The following CRYBG1 variants were observed in gnomAD, a reference collection of about 807,000 sequenced individuals.
The protein encoded by CRYBG1 is crystallin beta-gamma domain containing 1.
CRYBG1 carries 139 observed loss-of-function variants against 189.2 expected under a neutral mutation model. The observed-to-expected ratio is 0.73, with a 90% confidence interval of 0.64 to 0.85. The LOEUF (loss-of-function observed/expected upper bound fraction) is 0.85. Among genes scored for constraint, CRYBG1 ranks in the 40% least tolerant of loss-of-function variants. The probability of loss-of-function intolerance (pLI) is 0.00; values close to 1 mark genes in which losing one functional copy is unlikely to be tolerated. For missense variants in CRYBG1, 2,611 were observed against 2,675.8 expected (o/e 0.98, Z 0.53); for synonymous variants, 1,023 against 1,017.1 (o/e 1.01, Z -0.11).
chr6:106,495,844 TC>T (rs1772838759), intron 2 of CRYBG1, among the ~76,000 whole-genome samples: 1 of 149,906 alleles, frequency 6.7e-6, no homozygotes, highest in African/African-American at 2.4e-5. Flanking sequence ...AAAACAACTT[TC>T]CCCCCTGCCC....
rs1037153122 is a variant in CRYBG1, at chr6:106,547,601, A to G, written c.5312+2668A>G. On this transcript the variant is annotated intron_variant, in intron 13 of 21. Coordinates refer to ENST00000633556, the MANE Select transcript of CRYBG1 (RefSeq NM_001371242.2). ...TTCAAAGGAAAATTATTGTATTTTA[A>G]TGGCTTTATTTTTATTGGCAATTAA... 2.0e-5 allele frequency among the ~76,000 whole-genome samples: 3 copies of G among 152,196 alleles called. No homozygotes were observed. The South Asian group carries it at 6.2e-4, about 31-fold the overall frequency.
At chr6:106,422,340 A>ATTTTTTTTTTTTTTT in intron 1 of CRYBG1, among the ~76,000 whole-genome samples, 1 of 68,340 alleles carries the variant, frequency 1.5e-5, no homozygotes, top group South Asian at 9.5e-4. Flanking sequence ...TTATTTATTT[A>ATTTTTTTTTTTTTTT]TTTATTTTTG....
chr6:106,519,376 C>A lies in CRYBG1; in HGVS notation c.2168C>A (p.Ala723Asp), dbSNP rs148636801. Residue 723 changes from alanine (A) to aspartate (D), a missense_variant, in exon 4 of 22, where the codon GCC becomes GAC. Around this residue, in one of 3 missense-constraint regions of CRYBG1, gnomAD observed 1,622 missense variants for 1,735.0 expected, o/e 0.93. Transcript: ENST00000633556. ...GRAKLNLAKK[A>D]KEMEQPEKKV... ...GCAAAGCTGAATTTAGCCAAAAAAG[C>A]CAAAGAAATGGAGCAACCTGAAAAG... is the stretch of plus-strand genomic sequence containing the variant. The A allele has an allele frequency of 1.3e-4, 210 of 1,614,036 alleles. 2 individuals are homozygous for A. In the East Asian group the frequency reaches 4.2e-3, roughly 32 times the overall value.
Position 106,543,544 on chromosome 6 carries a change from A to C in CRYBG1, c.4986A>C (p.Gly1662=). Residue 1662 remains glycine (G), a synonymous_variant, in exon 11 of 22, where the codon GGA becomes GGC. Transcript: ENST00000633556. The part of the protein sequence containing the change: ...MEGGETEEAT[G]DDHLPFTSVG... Reference sequence around the variant, plus strand: ...GAGGTGAAACAGAAGAGGCGACTGGAGACGATCATTTGCCGTTTACGTCAG... The same window carrying C: ...GAGGTGAAACAGAAGAGGCGACTGGCGACGATCATTTGCCGTTTACGTCAG... 1 of 1,614,126 alleles carries C rather than the reference A, an allele frequency of 6.2e-7. No individual in the cohort carries two copies. Among genetic ancestry groups the C allele is most frequent in the East Asian group, 2.2e-5 (1 of 44,888 alleles).
At chr6:106,448,923 TATC>T in intron 1 of CRYBG1, among the ~76,000 whole-genome samples, 1 of 152,292 alleles carries the variant, frequency 6.6e-6, no homozygotes, top group Middle Eastern at 3.4e-3. Flanking sequence ...AGGAAGGAAT[TATC>T]ATACCTCTAT....
chr6:106,502,040 G>C (rs1773022762), intron 2 of CRYBG1, among the ~76,000 whole-genome samples: 1 of 152,130 alleles, frequency 6.6e-6, no homozygotes, highest in Non-Finnish European at 1.5e-5. Flanking sequence ...GTCCCAGTCA[G>C]CCCCAGGGCC....
chr6:106,449,916 G>C (rs1048262135), intron 1 of CRYBG1, among the ~76,000 whole-genome samples: 1 of 152,104 alleles, frequency 6.6e-6, no homozygotes, highest in Non-Finnish European at 1.5e-5. Context: ...GCAAACAATA[G>C]TGACTTTTTA....
At chr6:106,436,317 G>A (rs1198530594) in intron 1 of CRYBG1, among the ~76,000 whole-genome samples, 2 of 80,022 alleles carry the variant, frequency 2.5e-5, no homozygotes, top group Admixed American at 2.7e-4. Flanking sequence ...TTTTTTTTTT[G>A]AGACGGAGTC....
intron 2 of CRYBG1, among the ~76,000 whole-genome samples, chr6:106,490,472 G>A (rs1772695778): frequency 6.6e-6 from 1 of 152,202 alleles, no homozygotes; most frequent in Non-Finnish European, 1.5e-5. Flanking sequence ...TTTCAGAAAT[G>A]TCATATTTTT....
At chr6:106,566,088 TCTC>T (rs1041824376) in intron 21 of CRYBG1, among the ~76,000 whole-genome samples, 14 of 151,900 alleles carry the variant, frequency 9.2e-5, no homozygotes, top group African/African-American at 3.1e-4. Flanking sequence ...AGAGCTTTCT[TCTC>T]TTATTCTTTC....
intron 8 of CRYBG1, among the ~76,000 whole-genome samples, chr6:106,533,380 C>T (rs1773918143): frequency 6.6e-6 from 1 of 152,214 alleles, no homozygotes; most frequent in Admixed American, 6.5e-5. Flanking sequence ...GCCTTTCACG[C>T]CTTGGGGAGG....
chr6:106,362,519 G>A (rs569277731), intron 1 of CRYBG1, among the ~76,000 whole-genome samples: 63 of 152,256 alleles, frequency 4.1e-4, no homozygotes, highest in Admixed American at 2.6e-3. Context: ...AAACAGGGAG[G>A]AGCAGCGAGT....
intron 1 of CRYBG1, among the ~76,000 whole-genome samples, chr6:106,433,743 A>ATGTATATATATATG (rs1771390686): frequency 2.2e-5 from 1 of 45,544 alleles, no homozygotes; most frequent in Non-Finnish European, 3.9e-5. Context: ...ATACATATAT[A>ATGTATATATATATG]TGTATATATA....
chr6:106,421,940 C>T (rs1348501839), intron 1 of CRYBG1, among the ~76,000 whole-genome samples: 1 of 149,574 alleles, frequency 6.7e-6, no homozygotes, highest in African/African-American at 2.4e-5. Context: ...ATCAGATTTC[C>T]TGAGACCCAT....
intron 2 of CRYBG1, among the ~76,000 whole-genome samples, chr6:106,491,214 G>A (rs560014718): frequency 6.6e-5 from 10 of 152,300 alleles, no homozygotes; most frequent in African/African-American, 1.9e-4. Context: ...TCCTCAGCAT[G>A]AGCCACCTGT....
In CRYBG1 at chr6:106,571,086, G is replaced by A. The variant is rs1046217330; in HGVS notation, c.*2520G>A. Reference sequence around the variant, plus strand: ...GGAAGGCTGCAATTTCCATGGAAAAGCCCTCAGAGAAGCATGTTTCAATTG... The same window carrying A: ...GGAAGGCTGCAATTTCCATGGAAAAACCCTCAGAGAAGCATGTTTCAATTG... On this transcript the variant is annotated 3_prime_UTR_variant, in exon 22 of 22. Coordinates refer to ENST00000633556, the MANE Select transcript of CRYBG1 (RefSeq NM_001371242.2). 1.2e-4 allele frequency: 19 copies of A among 152,230 alleles called. No homozygotes were observed. Among genetic ancestry groups the A allele is most frequent in the African/African-American group, 4.3e-4 (18 of 41,466 alleles). 9.4% of individuals were successfully genotyped at this position (152,230 alleles called of 1,614,324 possible).
chr6:106,373,482 G>A (rs141462971), intron 1 of CRYBG1, among the ~76,000 whole-genome samples: 1,923 of 152,298 alleles, frequency 0.013, 36 homozygotes, highest in Non-Finnish European at 0.013. Context: ...TACAGTTGGC[G>A]TGAAAGATGT....
chr6:106,510,273 C>T (rs1773218872), intron 2 of CRYBG1, among the ~76,000 whole-genome samples: 1 of 152,248 alleles, frequency 6.6e-6, no homozygotes, highest in South Asian at 2.1e-4. Context: ...GCCGCCCCTG[C>T]TCCCCCGCTT....
chr6:106,378,221 A>G (rs1770210904), intron 1 of CRYBG1, among the ~76,000 whole-genome samples: 1 of 152,200 alleles, frequency 6.6e-6, no homozygotes, highest in Admixed American at 6.5e-5. Context: ...GACAAAGGGC[A>G]GGATTCACTT....
Sources: gnomAD v4.1 joint callset for allele counts (sites outside exome capture counted in the v4.1 genomes callset) on GRCh38, gnomAD v4.1.1 for gene constraint, gnomAD v4.1.1 regional missense constraint, MANE v1.5 for transcripts, NCBI Gene and HGNC (gene_info 2026-07-23, HGNC 2026-07-21) for gene names.